Variants in LDLRAD3 observed in about 807,000 individuals in gnomAD.
LDLRAD3 encodes the protein low density lipoprotein receptor class A domain containing 3.
In LDLRAD3, 20 loss-of-function variants were observed where a neutral mutation model predicts 29.4. That is an observed-to-expected ratio of 0.68 (90% CI 0.48 to 0.99). LDLRAD3 has a LOEUF of 0.99. LDLRAD3 is among the 50% of genes least tolerant of loss of function. The pLI, the probability that LDLRAD3 is intolerant of heterozygous loss-of-function variation, is 0.00. For missense variants in LDLRAD3, 420 were observed against 454.3 expected, an observed-to-expected ratio of 0.92 and a Z score of 0.69; for synonymous variants, 157 against 192.7, an observed-to-expected ratio of 0.81 and a Z score of 1.53.
At chr11:36,093,438 CT>C (rs2133268848) in intron 3 of LDLRAD3, among the ~76,000 whole-genome samples, 1 of 149,802 alleles carries the variant, frequency 6.7e-6, no homozygotes, top group Admixed American at 6.6e-5. Context: ...TTTTTTTTTT[CT>C]TTCTGTATAT....
chr11:36,015,881 T>G (rs929407586), intron 1 of LDLRAD3, among the ~76,000 whole-genome samples: 5 of 152,166 alleles, frequency 3.3e-5, no homozygotes, highest in Admixed American at 2.0e-4. Flanking sequence ...GGCTCCAGAC[T>G]CCAGCACTCT....
chr11:36,123,290 T>C (rs533114333), intron 4 of LDLRAD3, among the ~76,000 whole-genome samples: 12 of 152,380 alleles, frequency 7.9e-5, no homozygotes, highest in African/African-American at 2.4e-4. Flanking sequence ...AAATGTAATA[T>C]GATGTGTGCA....
Position 36,062,882 on chromosome 11 carries a change from A to G in LDLRAD3, c.194-18771A>G, listed in dbSNP as rs189203176. The stretch of plus-strand genomic sequence containing the variant: ...CAGTCTTGGGTATGTCTTTAGGTGT[A>G]TCTTTATTAGAAGGGACTAATACGT... On this transcript the variant is annotated intron_variant, in intron 2 of 5. Coordinates refer to ENST00000315571, the MANE Select transcript of LDLRAD3 (RefSeq NM_174902.4). Among the ~76,000 whole-genome samples, 69 of 152,262 alleles carry G rather than the reference A, an allele frequency of 4.5e-4. 1 individual carries two copies. The highest frequency in any genetic ancestry group is 4.2e-3 in the Admixed American group (64 of 15,302).
rs558430601 is a variant in LDLRAD3, at chr11:36,084,388, G to A, written c.319+2610G>A. On this transcript the variant is annotated intron_variant, in intron 3 of 5. Transcript: ENST00000315571. ...AACCCTAGCTACTCCAGAGTGTGAG[G>A]TGGGAGGATTACTTAACCCCAGGAG... is the stretch of plus-strand genomic sequence containing the variant. Among the ~76,000 whole-genome samples the A allele has an allele frequency of 3.3e-4, 50 of 152,260 alleles. 1 individual carries two copies. The highest frequency in any genetic ancestry group is 6.2e-4 in the Non-Finnish European group (42 of 68,016).
At chr11:36,012,919 C>T (rs1321979860) in intron 1 of LDLRAD3, among the ~76,000 whole-genome samples, 1 of 152,136 alleles carries the variant, frequency 6.6e-6, no homozygotes, top group East Asian at 1.9e-4. Flanking sequence ...TGTTTGGGAG[C>T]AGAGGTTGGA....
intron 1 of LDLRAD3, among the ~76,000 whole-genome samples, chr11:35,983,653 C>A (rs1247627763): frequency 6.6e-6 from 1 of 152,190 alleles, no homozygotes; most frequent in Non-Finnish European, 1.5e-5. Flanking sequence ...GTTTTTTAGA[C>A]AGAGTCTTGC....
At chr11:36,176,904 C>T (rs768396993) in intron 4 of LDLRAD3, among the ~76,000 whole-genome samples, 1 of 152,128 alleles carries the variant, frequency 6.6e-6, no homozygotes, top group Non-Finnish European at 1.5e-5. Context: ...CCCTCAAATA[C>T]GTTTTCCAAA....
chr11:36,221,438 C>T (rs1855425498), intron 4 of LDLRAD3, among the ~76,000 whole-genome samples: 2 of 151,626 alleles, frequency 1.3e-5, no homozygotes, highest in South Asian at 4.2e-4. Context: ...AGTAAGGGGT[C>T]TCCAAGTGAG....
intron 4 of LDLRAD3, among the ~76,000 whole-genome samples, chr11:36,126,069 C>A (rs779331125): frequency 6.6e-6 from 1 of 152,202 alleles, no homozygotes; most frequent in Non-Finnish European, 1.5e-5. Flanking sequence ...CCACCCTTCA[C>A]GTACAGTGCT....
chr11:35,944,328 G>A lies in LDLRAD3; in HGVS notation c.46+184G>A, dbSNP rs377332474. 2.6e-5 allele frequency among the ~76,000 whole-genome samples: 4 copies of A among 151,794 alleles called. No individual in the cohort carries two copies. Among genetic ancestry groups the A allele is most frequent in the Non-Finnish European group, 4.4e-5 (3 of 67,890 alleles). Reference sequence around the variant, plus strand: ...CTGCCGAGGGGCCGCCGCGGGGTGCGAGCCGTCCTATTGTGTGGGCGTGCG... The same window carrying A: ...CTGCCGAGGGGCCGCCGCGGGGTGCAAGCCGTCCTATTGTGTGGGCGTGCG... On this transcript the variant is annotated intron_variant, in intron 1 of 5. Transcript: ENST00000315571. The surrounding 1 kb of genome is among the most constrained non-coding windows in gnomAD (Gnocchi z 4.9).
chr11:36,129,875 T>A (rs1853899132), intron 4 of LDLRAD3, among the ~76,000 whole-genome samples: 1 of 152,214 alleles, frequency 6.6e-6, no homozygotes, highest in Admixed American at 6.5e-5. Context: ...TTTTTCTCTG[T>A]AGTATTTATC....
intron 4 of LDLRAD3, among the ~76,000 whole-genome samples, chr11:36,187,224 T>C (rs1854864548): frequency 6.6e-6 from 1 of 152,196 alleles, no homozygotes; most frequent in Non-Finnish European, 1.5e-5. Flanking sequence ...ATGCATATTA[T>C]GAGAAAGAGC....
intron 4 of LDLRAD3, among the ~76,000 whole-genome samples, chr11:36,179,247 A>G (rs1222420110): frequency 6.6e-6 from 1 of 151,670 alleles, no homozygotes; most frequent in African/African-American, 2.4e-5. Context: ...GCTGAGGCGG[A>G]TGGATCACTT....
At chr11:36,025,421 C>T (rs1381761306) in intron 1 of LDLRAD3, among the ~76,000 whole-genome samples, 2 of 148,312 alleles carry the variant, frequency 1.3e-5, no homozygotes, top group South Asian at 2.2e-4. Context: ...TGGAGTCTCG[C>T]TCTCTCTCCC....
chr11:36,025,606 G>A (rs1394595701), intron 1 of LDLRAD3, among the ~76,000 whole-genome samples: 1 of 151,652 alleles, frequency 6.6e-6, no homozygotes, highest in Non-Finnish European at 1.5e-5. Flanking sequence ...AGCCAGGATG[G>A]GCTTGATCTC....
intron 1 of LDLRAD3, among the ~76,000 whole-genome samples, chr11:35,996,561 T>C (rs1255423561): frequency 2.6e-5 from 4 of 152,142 alleles, no homozygotes; most frequent in Non-Finnish European, 5.9e-5. Flanking sequence ...ACTTACTGCG[T>C]TCAGGATTGC....
At chr11:36,201,059 CTTGCATGCCAGA>C (rs1855120383) in intron 4 of LDLRAD3, among the ~76,000 whole-genome samples, 2 of 152,164 alleles carry the variant, frequency 1.3e-5, no homozygotes, top group African/African-American at 4.8e-5. Context: ...AGTGAAGTTT[CTTGCATGCCAGA>C]TTGCAGTTGG....
chr11:36,232,017 G>A lies in LDLRAD3; in HGVS notation c.*2620G>A, dbSNP rs1198290174. The A allele has an allele frequency of 1.3e-5, 2 of 152,332 alleles. No individual in the cohort carries two copies. The highest frequency in any genetic ancestry group is 3.9e-4 in the East Asian group (2 of 5,192). 9.4% of individuals were successfully genotyped at this position (152,332 alleles called of 1,614,324 possible). On this transcript the variant is annotated 3_prime_UTR_variant, in exon 6 of 6. Transcript: ENST00000315571. ...AATGCAACTAAGTGGTTAATAGTGTGTGACGCTCAAAGTTAATGTAAACTG... is the reference window on the plus strand; with the variant it reads ...AATGCAACTAAGTGGTTAATAGTGTATGACGCTCAAAGTTAATGTAAACTG...
At chr11:36,153,554 T>G (rs913911177) in intron 4 of LDLRAD3, among the ~76,000 whole-genome samples, 1 of 152,218 alleles carries the variant, frequency 6.6e-6, no homozygotes, top group African/African-American at 2.4e-5. Context: ...GATCTATTTC[T>G]GGATCTGTCT....
Sources: allele counts gnomAD v4.1 joint callset (sites outside exome capture counted in the v4.1 genomes callset), GRCh38; gene constraint gnomAD v4.1.1; non-coding constraint Gnocchi (gnomAD v3.1); transcripts MANE v1.5; gene names NCBI Gene and HGNC (gene_info 2026-07-23, HGNC 2026-07-21).